The following LDB2 variants were observed in gnomAD, a reference collection of about 807,000 sequenced individuals.
LDB2 encodes the protein LIM domain-binding protein 2.
LDB2 carries 12 observed loss-of-function variants against 44.3 expected under a neutral mutation model. The observed-to-expected ratio is 0.27, with a 90% CI of 0.17 to 0.44. LDB2 has a LOEUF of 0.44. Ranked by LOEUF, LDB2 falls within the 20% of genes least tolerant of loss-of-function variation. The probability of loss-of-function intolerance (pLI) is 1.00; values close to 1 mark genes in which losing one functional copy is unlikely to be tolerated. For missense variants in LDB2, 344 were observed against 473.5 expected (o/e 0.73, Z 2.54); for synonymous variants, 164 against 174.8 (o/e 0.94, Z 0.49).
chr4:16,841,291 C>T (rs1367041752), intron 1 of LDB2, among the ~76,000 whole-genome samples: 1 of 152,156 alleles, frequency 6.6e-6, no homozygotes, highest in East Asian at 1.9e-4. Flanking sequence ...TCTATTTTAG[C>T]ACATAGAAAA....
intron 1 of LDB2, among the ~76,000 whole-genome samples, chr4:16,849,405 A>T (rs1295704961): frequency 1.3e-5 from 2 of 152,224 alleles, no homozygotes; most frequent in African/African-American, 4.8e-5. Context: ...GATCTTATTC[A>T]TCGTGTCCAT....
intron 2 of LDB2, among the ~76,000 whole-genome samples, chr4:16,711,716 A>G (rs1755907663): frequency 6.6e-6 from 1 of 152,236 alleles, no homozygotes; most frequent in Non-Finnish European, 1.5e-5. Context: ...TAATAAAGAC[A>G]GTATGGTTCC....
intron 1 of LDB2, among the ~76,000 whole-genome samples, chr4:16,791,286 G>T (rs1775645652): frequency 6.6e-6 from 1 of 152,130 alleles, no homozygotes; most frequent in Non-Finnish European, 1.5e-5. Flanking sequence ...GCTGGGCGGG[G>T]TGACTCACAC....
chr4:16,590,490 C>T (rs987942186), intron 3 of LDB2, among the ~76,000 whole-genome samples: 8 of 152,200 alleles, frequency 5.3e-5, no homozygotes, highest in Non-Finnish European at 1.2e-4. Context: ...AACACCACCA[C>T]TTACTGAATT....
intron 1 of LDB2, among the ~76,000 whole-genome samples, chr4:16,834,795 C>T (rs1312776724): frequency 6.6e-6 from 1 of 151,426 alleles, no homozygotes; most frequent in Non-Finnish European, 1.5e-5. Context: ...CCACTGCACT[C>T]CAGCCTGGGT....
chr4:16,627,495 C>T (rs1489201029), intron 2 of LDB2, among the ~76,000 whole-genome samples: 1 of 152,166 alleles, frequency 6.6e-6, no homozygotes, highest in Non-Finnish European at 1.5e-5. Context: ...TCATCATCAT[C>T]GTCATCATTA....
At chr4:16,737,103 C>G (rs1167521615) in intron 2 of LDB2, among the ~76,000 whole-genome samples, 1 of 152,152 alleles carries the variant, frequency 6.6e-6, no homozygotes, top group East Asian at 1.9e-4. Context: ...GTAAAGTGGA[C>G]TTTCTTATGT....
At chr4:16,815,987 C>T (rs960600597) in intron 1 of LDB2, among the ~76,000 whole-genome samples, 6 of 152,260 alleles carry the variant, frequency 3.9e-5, no homozygotes, top group Non-Finnish European at 7.4e-5. Flanking sequence ...GCGGGTGGAT[C>T]GTCTGAGGTC....
At chr4:16,748,642 C>G (rs953772261) in intron 2 of LDB2, among the ~76,000 whole-genome samples, 3 of 152,126 alleles carry the variant, frequency 2.0e-5, no homozygotes, top group Non-Finnish European at 2.9e-5. Context: ...GAAGATTAAG[C>G]TACACATTGG....
chr4:16,868,543 T>G (rs1037976162), intron 1 of LDB2, among the ~76,000 whole-genome samples: 3 of 152,166 alleles, frequency 2.0e-5, no homozygotes, highest in African/African-American at 4.8e-5. Flanking sequence ...GGCAGAATCT[T>G]AAGGCAAAGC....
chr4:16,850,903 A>G (rs1049395979), intron 1 of LDB2, among the ~76,000 whole-genome samples: 1 of 151,692 alleles, frequency 6.6e-6, no homozygotes, highest in African/African-American at 2.4e-5. Context: ...CAAGATGGAG[A>G]TAGATACTTA....
At chr4:16,771,462 C>A (rs1770666152) in intron 1 of LDB2, among the ~76,000 whole-genome samples, 1 of 152,170 alleles carries the variant, frequency 6.6e-6, no homozygotes, top group Non-Finnish European at 1.5e-5. Flanking sequence ...AGAATTGTGA[C>A]TCTAACTGCC....
intron 1 of LDB2, among the ~76,000 whole-genome samples, chr4:16,809,258 A>G (rs1035725662): frequency 2.4e-4 from 36 of 152,218 alleles, no homozygotes; most frequent in African/African-American, 7.5e-4. Flanking sequence ...TACAGCAGCT[A>G]TCACTATCCT....
chr4:16,761,496 C>T (rs558287164), intron 1 of LDB2, among the ~76,000 whole-genome samples: 1 of 152,332 alleles, frequency 6.6e-6, no homozygotes, highest in South Asian at 2.1e-4. Context: ...GTTGGTAACA[C>T]ATCATGGCGG....
At chr4:16,553,253 A>G (rs1738293542) in intron 5 of LDB2, among the ~76,000 whole-genome samples, 1 of 152,158 alleles carries the variant, frequency 6.6e-6, no homozygotes, top group South Asian at 2.1e-4. Context: ...CCTAGGCCCA[A>G]GTGATCTTCC....
At chr4:16,708,204 G>C (rs1488960126) in intron 2 of LDB2, among the ~76,000 whole-genome samples, 1 of 152,072 alleles carries the variant, frequency 6.6e-6, no homozygotes, top group African/African-American at 2.4e-5. Flanking sequence ...GCCCAGCAGG[G>C]TGTGGTGGCA....
At chr4:16,770,469 GCA>G (rs996425322) in intron 1 of LDB2, among the ~76,000 whole-genome samples, 3 of 152,116 alleles carry the variant, frequency 2.0e-5, no homozygotes, top group Non-Finnish European at 4.4e-5. Flanking sequence ...CAGTGAAAAT[GCA>G]CAGAGTTTCA....
chr4:16,746,106 C>CT (rs1410098842), intron 2 of LDB2, among the ~76,000 whole-genome samples: 1 of 152,136 alleles, frequency 6.6e-6, no homozygotes, highest in African/African-American at 2.4e-5. Flanking sequence ...GACCATGGGC[C>CT]TTTCTGTATC....
intron 2 of LDB2, among the ~76,000 whole-genome samples, chr4:16,744,214 T>A (rs1763915136): frequency 6.6e-6 from 1 of 152,208 alleles, no homozygotes; most frequent in African/African-American, 2.4e-5. Context: ...TGGAGTGCAG[T>A]GGCTGGATCT....
Sources: allele counts gnomAD v4.1 joint callset (sites outside exome capture counted in the v4.1 genomes callset), GRCh38; gene constraint gnomAD v4.1.1; transcripts MANE v1.5; gene names NCBI Gene and HGNC (gene_info 2026-07-23, HGNC 2026-07-21).